The following UBE2R2 variants were observed in gnomAD, a reference collection of about 807,000 sequenced individuals.
The protein encoded by UBE2R2 is ubiquitin conjugating enzyme E2 R2.
A neutral mutation model predicts 27.8 loss-of-function variants in UBE2R2; 1 was observed. The observed-to-expected ratio is 0.04, with a 90% CI of 0.01 to 0.17. The LOEUF (loss-of-function observed/expected upper bound fraction) is 0.17. UBE2R2 is among the 10% of genes least tolerant of loss of function. UBE2R2 has a pLI of 1.00. For synonymous variants in UBE2R2, 106 were observed against 113.3 expected, an observed-to-expected ratio of 0.94 and a Z score of 0.41; for missense variants, 100 against 291.0, an observed-to-expected ratio of 0.34 and a Z score of 4.78.
chr9:33,891,107 T>C (rs1821975893), intron 2 of UBE2R2, among the ~76,000 whole-genome samples: 1 of 142,372 alleles, frequency 7.0e-6, no homozygotes. Context: ...TAGAGTGCAA[T>C]GGTGCAATCT....
chr9:33,835,209 A>G (rs1267872116), intron 1 of UBE2R2, among the ~76,000 whole-genome samples: 1 of 135,254 alleles, frequency 7.4e-6, no homozygotes, highest in Non-Finnish European at 1.5e-5. Context: ...GTTTAATGGC[A>G]TGATCTTGGC....
At chr9:33,820,009 C>A (rs569891993) in intron 1 of UBE2R2, among the ~76,000 whole-genome samples, 1 of 152,088 alleles carries the variant, frequency 6.6e-6, no homozygotes, top group African/African-American at 2.4e-5. Flanking sequence ...AGTTTGATTT[C>A]CAAAAAGTGT....
intron 2 of UBE2R2, among the ~76,000 whole-genome samples, chr9:33,897,420 T>C (rs1428561205): frequency 6.7e-6 from 1 of 148,238 alleles, no homozygotes; most frequent in African/African-American, 2.5e-5. Context: ...CGGGTTCAAG[T>C]GATTCTCCTG....
intron 1 of UBE2R2, among the ~76,000 whole-genome samples, chr9:33,842,969 G>A (rs538725467): frequency 1.9e-4 from 28 of 146,388 alleles, no homozygotes; most frequent in African/African-American, 6.1e-4. Context: ...AGCCCAGGCT[G>A]TGATCGTGCT....
intron 1 of UBE2R2, among the ~76,000 whole-genome samples, chr9:33,837,321 C>T (rs570907864): frequency 9.9e-5 from 15 of 151,024 alleles, no homozygotes; most frequent in Middle Eastern, 3.4e-3. Flanking sequence ...TGGGCTCAAG[C>T]GATATTCTTA....
chr9:33,829,792 CG>C (rs371541062), intron 1 of UBE2R2, among the ~76,000 whole-genome samples: 1,318 of 119,302 alleles, frequency 0.011, 12 homozygotes, highest in East Asian at 0.042. Context: ...TTAGTGCAAT[CG>C]TTTTTTTTTT....
chr9:33,896,955 T>G (rs868798191), intron 2 of UBE2R2, among the ~76,000 whole-genome samples: 81 of 55,416 alleles, frequency 1.5e-3, no homozygotes, highest in East Asian at 3.8e-3. Context: ...TTTTTTGTGT[T>G]TTTTTTTTGT....
chr9:33,882,883 G>A (rs1019650603), intron 1 of UBE2R2, among the ~76,000 whole-genome samples: 3 of 152,076 alleles, frequency 2.0e-5, no homozygotes, highest in East Asian at 3.9e-4. Context: ...GAGGTCAAGC[G>A]TTTGAGACCA....
intron 1 of UBE2R2, among the ~76,000 whole-genome samples, chr9:33,830,108 G>C (rs1291275267): frequency 1.3e-5 from 2 of 149,560 alleles, no homozygotes; most frequent in African/African-American, 4.9e-5. Flanking sequence ...AATCAGTGCA[G>C]TAGTTTTAAT....
chr9:33,835,473 G>T (rs1222791661), intron 1 of UBE2R2, among the ~76,000 whole-genome samples: 1 of 152,110 alleles, frequency 6.6e-6, no homozygotes, highest in Non-Finnish European at 1.5e-5. Context: ...ATGCCGTGTA[G>T]TGTATATGCT....
chr9:33,904,293 C>CT (rs1822305670), intron 3 of UBE2R2, among the ~76,000 whole-genome samples: 1 of 152,158 alleles, frequency 6.6e-6, no homozygotes, highest in African/African-American at 2.4e-5. Flanking sequence ...TCTTGTACCT[C>CT]TCTGCTGCTA....
rs1822679216 is a variant in UBE2R2 at position 33,917,543 on chromosome 9, C to T, written c.*306C>T. On this transcript the variant is annotated 3_prime_UTR_variant, in exon 5 of 5. Transcript: ENST00000263228. Reference sequence around the variant, plus strand: ...CCTCACTTCGTCTCTACAGAATGTTCACAGCAAAACACGTTTGGTCTGTTT... The same window carrying T: ...CCTCACTTCGTCTCTACAGAATGTTTACAGCAAAACACGTTTGGTCTGTTT... 2.0e-6 allele frequency: 1 copy of T among 512,604 alleles called. No homozygotes were observed. The highest frequency in any genetic ancestry group is 3.4e-6 in the Non-Finnish European group (1 of 294,304). 31.8% of individuals were successfully genotyped at this position (512,604 alleles called of 1,614,324 possible).
At chr9:33,857,911 T>TTA (rs1821145901) in intron 1 of UBE2R2, among the ~76,000 whole-genome samples, 1 of 152,216 alleles carries the variant, frequency 6.6e-6, no homozygotes, top group Non-Finnish European at 1.5e-5. Flanking sequence ...TGGAAGTTGT[T>TTA]CCTTAATAAT....
At chr9:33,876,367 A>T (rs908903576) in intron 1 of UBE2R2, among the ~76,000 whole-genome samples, 1 of 152,146 alleles carries the variant, frequency 6.6e-6, no homozygotes, top group African/African-American at 2.4e-5. Context: ...AAAATAAATA[A>T]GTAAATAAAC....
intron 1 of UBE2R2, among the ~76,000 whole-genome samples, chr9:33,849,716 G>GT (rs1261030296): frequency 4.0e-5 from 6 of 151,434 alleles, no homozygotes; most frequent in Non-Finnish European, 7.4e-5. Context: ...AAGTCAGGCG[G>GT]TGTGGTGGCA....
intron 3 of UBE2R2, among the ~76,000 whole-genome samples, chr9:33,905,165 A>G (rs1309530394): frequency 6.6e-6 from 1 of 152,222 alleles, no homozygotes; most frequent in African/African-American, 2.4e-5. Context: ...AAAGAGGCAT[A>G]CATAATGTTT....
At chr9:33,861,207 G>A (rs948791845) in intron 1 of UBE2R2, among the ~76,000 whole-genome samples, 4 of 150,366 alleles carry the variant, frequency 2.7e-5, no homozygotes, top group African/African-American at 9.7e-5. Flanking sequence ...TGATCCGCCC[G>A]CCTCGGCCTC....
In UBE2R2 at chr9:33,836,767, A is replaced by G. The variant is rs970783721; in HGVS notation, c.177+18833A>G. On this transcript the variant is annotated intron_variant, in intron 1 of 4. Transcript: ENST00000263228. ...GCAAGACTCTTATCTCAAAAAAAAA[A>G]AATATATATATATATATTCTTGAGG... 6.2e-5 allele frequency among the ~76,000 whole-genome samples: 9 copies of G among 145,664 alleles called. No homozygotes were observed. In the South Asian group the frequency reaches 2.1e-3, roughly 34 times the overall value.
At chr9:33,877,819 GTCTGTCTCTCTC>G (rs1443871035) in intron 1 of UBE2R2, among the ~76,000 whole-genome samples, 1 of 92,968 alleles carries the variant, frequency 1.1e-5, no homozygotes, top group African/African-American at 5.7e-5. Flanking sequence ...CTGTCTGTCT[GTCTGTCTCTCTC>G]TCTCTCTCTC....
Sources: allele counts gnomAD v4.1 joint callset (sites outside exome capture counted in the v4.1 genomes callset), GRCh38; gene constraint gnomAD v4.1.1; transcripts MANE v1.5; gene names NCBI Gene and HGNC (gene_info 2026-07-23, HGNC 2026-07-21).